Variants in CSPG4 observed in about 807,000 individuals in gnomAD.
CSPG4 encodes the protein chondroitin sulfate proteoglycan 4.
In CSPG4, 74 loss-of-function variants were observed where a neutral mutation model predicts 139.3. The ratio of observed to expected loss-of-function variants is 0.53; its 90% CI spans 0.44 to 0.64. CSPG4 has a LOEUF of 0.64. Among genes scored for constraint, CSPG4 ranks in the 30% least tolerant of loss-of-function variants. The pLI is 0.00. For synonymous variants in CSPG4, 1,234 were observed against 1,394.2 expected, an observed-to-expected ratio of 0.89 and a Z score of 2.56; for missense variants, 2,565 against 3,148.3, an observed-to-expected ratio of 0.81 and a Z score of 4.43.
At chr15:75,677,486 C>G (rs778455704) in intron 9 of CSPG4, 102 bp from the exon 10 acceptor site, 5 of 1,309,764 alleles carry the variant, frequency 3.8e-6, no homozygotes, top group Non-Finnish European at 5.0e-6. Context: ...TCCCCCCAAC[C>G]ATCAAGCCAG....
intron 8 of CSPG4, 49 bp downstream of exon 8, chr15:75,682,244 A>G: frequency 6.3e-7 from 1 of 1,591,704 alleles, no homozygotes; most frequent in Non-Finnish European, 8.5e-7. Flanking sequence ...CACAGCGGCC[A>G]CCTGAGGCTG....
At chr15:75,707,744 AGCTCAGCTGCCTCCAGGCCG>A (rs1237553178) in intron 1 of CSPG4, among the ~76,000 whole-genome samples, 2 of 152,236 alleles carry the variant, frequency 1.3e-5, no homozygotes, top group Admixed American at 6.5e-5. Context: ...CATATTCCCA[AGCTCAGCTGCCTCCAGGCCG>A]GCTCAGCTGG....
Position 75,689,275 on chromosome 15 carries a change from G to T in CSPG4, c.1790C>A (p.Thr597Asn). 3.1e-6 allele frequency: 5 copies of T among 1,610,804 alleles called. No individual in the cohort carries two copies. Among genetic ancestry groups the T allele is most frequent in the Non-Finnish European group, 3.4e-6 (4 of 1,179,784 alleles). Residue 597 changes from threonine (T) to asparagine (N), a missense_variant, in exon 3 of 10, where the codon ACC becomes AAC. Physicochemically the swap from Thr to Asn is moderately conservative, Grantham distance 65. Coordinates refer to ENST00000308508, the MANE Select transcript of CSPG4 (RefSeq NM_001897.5). Reference sequence around the variant, plus strand: ...GCGCTCCACGGGGAGGCCAGAGGAGGTGCCAAGGACCTGGAAGGTGAGGCC... The same window carrying T: ...GCGCTCCACGGGGAGGCCAGAGGAGTTGCCAAGGACCTGGAAGGTGAGGCC... Reference protein sequence around the residue: ...CEGLTFQVLGTSSGLPVERRD... With the variant: ...CEGLTFQVLGNSSGLPVERRD...
At chr15:75,712,599 C>T in intron 1 of CSPG4, 69 bp downstream of exon 1, 1 of 1,440,096 alleles carries the variant, frequency 6.9e-7, no homozygotes, top group Non-Finnish European at 9.5e-7. Context: ...TCCTCCTGTC[C>T]CTTTTCCCTC....
At position 75,676,523 on chromosome 15, in the gene CSPG4, G is replaced by GC. The variant is rs1161873458; in HGVS notation, c.5995dup (p.Ala1999GlyfsTer24). On this transcript the variant is annotated frameshift_variant, in exon 10 of 10. Coordinates refer to ENST00000308508, the MANE Select transcript of CSPG4 (RefSeq NM_001897.5). LOFTEE classifies it high-confidence loss of function. ...CTGGTCTATCTGGAATTGGCTGAAG[G>GC]CCGAGGTGGGCCGCCCGCCCACCAG... 1 of 1,613,584 alleles carries GC rather than the reference G, an allele frequency of 6.2e-7. No individual in the cohort carries two copies. Among genetic ancestry groups the GC allele is most frequent in the African/African-American group, 1.3e-5 (1 of 74,944 alleles).
rs1893914903 is a variant in CSPG4 at position 75,677,791 on chromosome 15, AGGC to A, written c.5043_5045del (p.Pro1682del). On this transcript the variant is annotated inframe_deletion, in exon 9 of 10. Coordinates refer to ENST00000308508, the MANE Select transcript of CSPG4 (RefSeq NM_001897.5). ...CAAGGGTGGCGGCCACGTCCCGGGC[AGGC>A]GGCGAGGACAGCTGGAGCTCTAGGG... 1.2e-6 allele frequency: 2 copies of A among 1,612,062 alleles called. No individual in the cohort carries two copies. The highest frequency in any genetic ancestry group is 1.3e-5 in the African/African-American group (1 of 74,898).
In CSPG4 at chr15:75,696,519, CGT is replaced by C. The variant is rs979795396; in HGVS notation, c.89-3288_89-3287del. 1.3e-5 allele frequency among the ~76,000 whole-genome samples: 2 copies of C among 151,898 alleles called. No homozygotes were observed. Among genetic ancestry groups the C allele is most frequent in the Non-Finnish European group, 2.9e-5 (2 of 67,946 alleles). On this transcript the variant is annotated intron_variant, in intron 1 of 9. Coordinates refer to ENST00000308508, the MANE Select transcript of CSPG4 (RefSeq NM_001897.5). This position sits in a 1 kb window ranked among gnomAD's most constrained non-coding sequence, Gnocchi z 4.2. The stretch of plus-strand genomic sequence containing the variant: ...GGCTGTGTGTTTGTGTGTGTGTGCG[CGT>C]GTGTGGGCCGGGAGCTGCCAGGACA...
intron 1 of CSPG4, among the ~76,000 whole-genome samples, chr15:75,702,643 C>T (rs569960873): frequency 4.8e-4 from 73 of 152,388 alleles, no homozygotes; most frequent in Middle Eastern, 6.8e-3. Flanking sequence ...CCTCTGCCCT[C>T]CAGAGCCCCA....
intron 1 of CSPG4, among the ~76,000 whole-genome samples, chr15:75,708,260 T>G (rs1596014868): frequency 9.5e-6 from 1 of 104,782 alleles, no homozygotes; most frequent in Admixed American, 1.0e-4. Context: ...CCGGCCTGGG[T>G]GTGGGAAGGA....
At position 75,690,643 on chromosome 15, in the gene CSPG4, T is replaced by C; in HGVS notation, c.422A>G (p.Glu141Gly). 2 of 1,611,760 alleles carry C rather than the reference T, an allele frequency of 1.2e-6. No homozygotes were observed. The highest frequency in any genetic ancestry group is 1.7e-5 in the Admixed American group (1 of 60,012). Residue 141 changes from glutamate to glycine, a missense_variant, in exon 3 of 10, where the codon GAG (glutamate) becomes GGG (glycine). By Grantham distance (98) the Glu-to-Gly change is moderately conservative (BLOSUM62 -2). Transcript: ENST00000308508. Reference sequence around the variant, plus strand: ...CCCAACAAAGAGCCCATAGGGGACCTCTAGGGGGGCTCCTGGGACTGCTGA... The same window carrying C: ...CCCAACAAAGAGCCCATAGGGGACCCCTAGGGGGGCTCCTGGGACTGCTGA... ...ASSAVPGAPL[E>G]VPYGLFVGGT...
At chr15:75,693,866 T>C (rs1180372943) in intron 1 of CSPG4, among the ~76,000 whole-genome samples, 2 of 152,216 alleles carry the variant, frequency 1.3e-5, no homozygotes, top group Non-Finnish European at 2.9e-5. Context: ...CCAGCTGCCA[T>C]TGAGCGTCGG....
intron 5 of CSPG4, 112 bp from the exon 6 acceptor site, chr15:75,683,153 T>A: frequency 9.2e-7 from 1 of 1,086,190 alleles, no homozygotes; most frequent in Non-Finnish European, 1.3e-6. Context: ...GCCCCTCGGG[T>A]GGCATCGAGG....
At chr15:75,711,907 T>C (rs940968235) in intron 1 of CSPG4, among the ~76,000 whole-genome samples, 5 of 151,970 alleles carry the variant, frequency 3.3e-5, no homozygotes, top group Non-Finnish European at 7.4e-5. Context: ...GAACTTCCAT[T>C]CAGCCTCTGC....
chr15:75,712,600 C>A, intron 1 of CSPG4, 68 bp downstream of exon 1: 1 of 1,461,374 alleles, frequency 6.8e-7, no homozygotes, highest in South Asian at 1.2e-5. Flanking sequence ...CCTCCTGTCC[C>A]TTTTCCCTCC....
intron 1 of CSPG4, among the ~76,000 whole-genome samples, chr15:75,703,546 C>A (rs1374428898): frequency 1.3e-5 from 2 of 152,144 alleles, no homozygotes; most frequent in African/African-American, 4.8e-5. Flanking sequence ...GCAGTCTCCA[C>A]GGGGAAGGCC....
chr15:75,688,915 GCCC>G lies in CSPG4; in HGVS notation c.2147_2149del (p.Gly716del). The G allele has an allele frequency of 1.9e-6, 3 of 1,612,278 alleles. No individual in the cohort carries two copies. The South Asian group carries it at 3.3e-5, about 18-fold the overall frequency. ...CCACTCAGCACCCTCCACCCCACCT[GCCC>G]CCTGCTTCTGCAGCTCCCCAAACTG... On this transcript the variant is annotated inframe_deletion, in exon 3 of 10. Transcript: ENST00000308508.
chr15:75,696,956 C>T lies in CSPG4; in HGVS notation c.89-3723G>A, dbSNP rs796916683. Among the ~76,000 whole-genome samples, 27 of 152,316 alleles carry T rather than the reference C, an allele frequency of 1.8e-4. No individual in the cohort carries two copies. The highest frequency in any genetic ancestry group is 6.5e-4 in the African/African-American group (27 of 41,578). On this transcript the variant is annotated intron_variant, in intron 1 of 9. Transcript: ENST00000308508. The surrounding 1 kb of genome is among the most constrained non-coding windows in gnomAD (Gnocchi z 4.2). ...CACTACTAGGAGGAGTGTGGATGGG[C>T]CCCTGAGGCTTCCAGCCTGACACCC...
intron 1 of CSPG4, among the ~76,000 whole-genome samples, chr15:75,711,602 C>A (rs1022424374): frequency 1.3e-5 from 2 of 152,278 alleles, no homozygotes; most frequent in African/African-American, 4.8e-5. Flanking sequence ...CTTCTGGGAA[C>A]CATGTGATGC....
Position 75,677,877 on chromosome 15 carries a change from C to T in CSPG4, c.4960G>A (p.Gly1654Arg), listed in dbSNP as rs763466518. Reference protein sequence around the residue: ...VNFTQAEVYAGNILYEHEMPP... With the variant: ...VNFTQAEVYARNILYEHEMPP... ...ATCTCATGCTCATACAGAATATTCCCAGCGTAGACCTAGGGGAGACACCAT... is the reference window on the plus strand; with the variant it reads ...ATCTCATGCTCATACAGAATATTCCTAGCGTAGACCTAGGGGAGACACCAT... The change falls in exon 9 of 10, where the codon GGG becomes AGG. Residue 1654 changes from glycine (G) to arginine (R), a missense_variant. Coordinates refer to ENST00000308508, the MANE Select transcript of CSPG4 (RefSeq NM_001897.5). 1.9e-6 allele frequency: 3 copies of T among 1,608,840 alleles called. No individual in the cohort carries two copies. The highest frequency in any genetic ancestry group is 2.5e-6 in the Non-Finnish European group (3 of 1,177,532).
Sources: allele counts gnomAD v4.1 joint callset (sites outside exome capture counted in the v4.1 genomes callset), GRCh38; gene constraint gnomAD v4.1.1; non-coding constraint Gnocchi (gnomAD v3.1); transcripts MANE v1.5; gene names NCBI Gene and HGNC (gene_info 2026-07-23, HGNC 2026-07-21).